EIF2D: variants seen among roughly 807,000 people sequenced by gnomAD.
The protein encoded by EIF2D is hepatocellular carcinoma-associated antigen 56.
EIF2D carries 56 observed loss-of-function variants against 77.4 expected under a neutral mutation model. That is an observed-to-expected ratio of 0.72 (90% CI 0.58 to 0.90). The LOEUF is 0.90. Ranked by LOEUF, EIF2D falls within the 40% of genes least tolerant of loss-of-function variation. The probability of loss-of-function intolerance (pLI) is 0.00; values close to 1 mark genes in which losing one functional copy is unlikely to be tolerated. For missense variants in EIF2D, 574 were observed against 706.5 expected, an observed-to-expected ratio of 0.81 and a Z score of 2.13; for synonymous variants, 230 against 271.0, an observed-to-expected ratio of 0.85 and a Z score of 1.49.
rs79969675 is a variant in EIF2D, at chr1:206,572,909, G to A, written c.*255-210C>T. Among the ~76,000 whole-genome samples the A allele has an allele frequency of 2.1e-3, 315 of 152,200 alleles. 11 individuals are homozygous for A. In the East Asian group the frequency reaches 0.057, roughly 28 times the overall value. ...TGTGGCCTTGGCTGAAGGGCCTATC[G>A]GGAATCAAGGTCCCATATTGGGTCC... On this transcript the variant is annotated intron_variant and NMD_transcript_variant, in intron 4 of 5. Transcript: ENST00000472709.
intron 7 of EIF2D, chr1:206,601,205 C>A (rs1669903756): frequency 6.6e-6 from 1 of 152,200 alleles, no homozygotes; most frequent in Admixed American, 6.5e-5. Flanking sequence ...CTTAAAGACA[C>A]CCAAGTATAA....
At chr1:206,600,514 C>T (rs933935763) in intron 7 of EIF2D, 37 of 523,032 alleles carry the variant, frequency 7.1e-5, no homozygotes, top group African/African-American at 5.7e-4. Flanking sequence ...AGAGAACTTT[C>T]CATAGACGTG....
intron 6 of EIF2D, 85 bp from the exon 7 acceptor site, chr1:206,602,538 C>T (rs1315018672): frequency 1.9e-5 from 23 of 1,209,088 alleles, no homozygotes; most frequent in Non-Finnish European, 2.8e-5. Flanking sequence ...TTCATCCCTA[C>T]CTCACCCACT....
intron 2 of EIF2D, 152 bp from the exon 3 acceptor site, chr1:206,609,611 G>A (rs1311541824): frequency 1.8e-6 from 1 of 570,988 alleles, no homozygotes; most frequent in East Asian, 3.1e-5. Flanking sequence ...TGCCCAGAGA[G>A]GTTTCATTTT....
Position 206,611,267 on chromosome 1 carries a change from G to A in EIF2D, c.164C>T (p.Ala55Val). The stretch of plus-strand genomic sequence containing the variant: ...CACAGTCACTGCATCCCCTTTGTGA[G>A]CATACAACTTCACAATGTTGAGCTC... ...KEELNIVKLYAHKGDAVTVYV... is the reference protein window; with the variant it reads ...KEELNIVKLYVHKGDAVTVYV... Residue 55 changes from alanine (A) to valine (V), a missense_variant, in exon 2 of 15, where the codon GCT (alanine) becomes GTT (valine). Transcript: ENST00000271764. 6.2e-7 allele frequency: 1 copy of A among 1,614,154 alleles called. No homozygotes were observed. The highest frequency in any genetic ancestry group is 8.5e-7 in the Non-Finnish European group (1 of 1,180,020).
downstream of EIF2D, among the ~76,000 whole-genome samples, chr1:206,589,923 C>T (rs1460891947): frequency 6.6e-6 from 1 of 152,210 alleles, no homozygotes; most frequent in East Asian, 1.9e-4. Flanking sequence ...TGGGGCACAT[C>T]TGTAACATTT....
intron 2 of EIF2D, chr1:206,586,549 C>CCG: frequency 6.6e-6 from 2 of 304,632 alleles, no homozygotes; most frequent in South Asian, 3.8e-5. Flanking sequence ...ATCTCGGCTG[C>CCG]TACACAGAAA....
chr1:206,598,991 T>C lies in EIF2D; in HGVS notation c.1292+12A>G. Reference sequence around the variant, plus strand: ...CCCAATAAGACAGATCTGGTGCTTCTCATGCACTCACTTTTTGTTGTCTGC... The same window carrying C: ...CCCAATAAGACAGATCTGGTGCTTCCCATGCACTCACTTTTTGTTGTCTGC... On this transcript the variant is annotated intron_variant, in intron 11 of 14. Transcript: ENST00000271764. 1 of 1,613,886 alleles carries C rather than the reference T, an allele frequency of 6.2e-7. No homozygotes were observed. Among genetic ancestry groups the C allele is most frequent in the Non-Finnish European group, 8.5e-7 (1 of 1,179,768 alleles).
rs1572374222 is a variant in EIF2D, at chr1:206,584,941, C to T, written c.139-3779G>A. On this transcript the variant is annotated intron_variant and NMD_transcript_variant, in intron 2 of 5. Coordinates refer to the EIF2D transcript ENST00000472709. This position sits in a 1 kb window ranked among gnomAD's most constrained non-coding sequence, Gnocchi z 4.9. ...ATCTGTGCAATGGGAGGAATCTGCC[C>T]CACCATTCCTAATCTTTCAGGAGAT... The T allele has an allele frequency of 1.7e-6, 1 of 605,560 alleles. No homozygotes were observed. The highest frequency in any genetic ancestry group is 2.0e-5 in the South Asian group (1 of 49,646). 37.5% of individuals were successfully genotyped at this position (605,560 alleles called of 1,614,324 possible).
chr1:206,582,146 G>A (rs555447441), intron 2 of EIF2D, among the ~76,000 whole-genome samples: 3 of 152,270 alleles, frequency 2.0e-5, no homozygotes, highest in South Asian at 2.1e-4. Context: ...AGATAAAACC[G>A]GGAGGTGGGT....
Position 206,585,242 on chromosome 1 carries a change from G to A in EIF2D, c.139-4080C>T, listed in dbSNP as rs782292608. The stretch of plus-strand genomic sequence containing the variant: ...CTACCTGCGCCTGCTTGCTGGGCCT[G>A]ACACGGAGGTCCTCAGCTTTGTGCT... On this transcript the variant is annotated intron_variant and NMD_transcript_variant, in intron 2 of 5. Transcript: ENST00000472709. 9.3e-6 allele frequency: 15 copies of A among 1,614,072 alleles called. No homozygotes were observed. In the East Asian group the frequency reaches 1.8e-4, roughly 19 times the overall value.
chr1:206,571,095 T>C (rs1167977417), downstream of EIF2D, among the ~76,000 whole-genome samples: 1 of 152,186 alleles, frequency 6.6e-6, no homozygotes, highest in Non-Finnish European at 1.5e-5. Flanking sequence ...CCAATGCTTG[T>C]TATTTTCTTG....
At position 206,593,502 on chromosome 1, in the gene EIF2D, A is replaced by AGTGTGTGTGTGCGT. The variant is rs1433622439; in HGVS notation, c.1684+116_1684+117insACGCACACACACAC. 2.0e-3 allele frequency: 834 copies of AGTGTGTGTGTGCGT among 427,452 alleles called. 4 individuals are homozygous for AGTGTGTGTGTGCGT. The highest frequency in any genetic ancestry group is 2.3e-3 in the Non-Finnish European group (659 of 281,102). The allele number at this position is 427,452 out of a possible 1,614,324, so 26.5% of individuals were successfully genotyped here. A position where few individuals can be genotyped will look rare whatever the true frequency, so the allele number is the denominator to read the frequency against. Reference sequence around the variant, plus strand: ...GAGAGAGAGAGCGAGAGAGAGAGAGAGAGAGAGTGTGTGTGTGTGTGTGTG... The same window carrying AGTGTGTGTGTGCGT: ...GAGAGAGAGAGCGAGAGAGAGAGAGAGTGTGTGTGTGCGTGAGAGAGTGTGTGTGTGTGTGTGTG... On this transcript the variant is annotated intron_variant, in intron 14 of 14. Transcript: ENST00000271764.
chr1:206,586,470 C>A, intron 2 of EIF2D: 1 of 218,778 alleles, frequency 4.6e-6, no homozygotes, highest in Non-Finnish European at 9.2e-6. Flanking sequence ...AGTCCACGTT[C>A]CACTCCTCCA....
chr1:206,569,508 G>C (rs181453151), downstream of EIF2D, among the ~76,000 whole-genome samples: 1 of 152,330 alleles, frequency 6.6e-6, no homozygotes, highest in Non-Finnish European at 1.5e-5. Flanking sequence ...AGAAGCCTTG[G>C]CTGCATTAAA....
intron 3 of EIF2D, among the ~76,000 whole-genome samples, chr1:206,609,150 G>C (rs951760177): frequency 6.6e-6 from 1 of 152,200 alleles, no homozygotes; most frequent in East Asian, 1.9e-4. Flanking sequence ...ATAGCACATG[G>C]TGGTTCATAA....
intron 4 of EIF2D, among the ~76,000 whole-genome samples, chr1:206,573,018 C>G (rs550526091): frequency 2.6e-5 from 4 of 152,252 alleles, no homozygotes; most frequent in East Asian, 1.9e-4. Context: ...TGATGATGAT[C>G]ATGATCATGA....
rs375223528 is a variant in EIF2D, at chr1:206,579,938, C to T, written c.*254+754G>A. On this transcript the variant is annotated intron_variant and NMD_transcript_variant, in intron 4 of 5. Coordinates refer to the EIF2D transcript ENST00000472709. This position sits in a 1 kb window ranked among gnomAD's most constrained non-coding sequence, Gnocchi z 4.2. ...AGATATTTTTGTGGGCAGCAGCCAT[C>T]CCAGACCTGGGTGCTGGCATTCCAT... 2.3e-4 allele frequency among the ~76,000 whole-genome samples: 35 copies of T among 152,326 alleles called. No individual in the cohort carries two copies. Among genetic ancestry groups the T allele is most frequent in the African/African-American group, 7.7e-4 (32 of 41,570 alleles).
chr1:206,577,981 G>A (rs1167062384), intron 4 of EIF2D, among the ~76,000 whole-genome samples: 2 of 152,150 alleles, frequency 1.3e-5, no homozygotes, highest in African/African-American at 4.8e-5. Flanking sequence ...CTGGCACTTC[G>A]TGAGGCTGAA....
Sources: gnomAD v4.1 joint callset for allele counts (sites outside exome capture counted in the v4.1 genomes callset) on GRCh38, gnomAD v4.1.1 for gene constraint, Gnocchi (gnomAD v3.1) non-coding constraint, MANE v1.5 for transcripts, NCBI Gene and HGNC (gene_info 2026-07-23, HGNC 2026-07-21) for gene names.